Variants in NOL11 observed in about 807,000 individuals in gnomAD.
NOL11 encodes the protein nucleolar protein 11.
A neutral mutation model predicts 93.0 loss-of-function variants in NOL11; 42 were observed. That is an observed-to-expected ratio of 0.45 (90% CI 0.35 to 0.58). The LOEUF (loss-of-function observed/expected upper bound fraction) is 0.58, where lower values mean the gene tolerates loss of function less well. NOL11 is among the 20% of genes least tolerant of loss of function. The pLI is 0.00. For synonymous variants in NOL11, 296 were observed against 293.7 expected, an observed-to-expected ratio of 1.01 and a Z score of -0.08; for missense variants, 775 against 841.8, an observed-to-expected ratio of 0.92 and a Z score of 0.98.
At chr17:67,739,081 G>A (rs2055230931) in intron 15 of NOL11, 71 bp downstream of exon 15, 1 of 1,078,198 alleles carries the variant, frequency 9.3e-7, no homozygotes, top group African/African-American at 1.6e-5. Context: ...CTAACCAGCT[G>A]TTAGGGCATT....
At chr17:67,719,295 A>G in intron 1 of NOL11, 1 of 154,788 alleles carries the variant, frequency 6.5e-6, no homozygotes, top group Non-Finnish European at 1.4e-5. Flanking sequence ...GAGGTTTGGG[A>G]GGCCGAGGTG....
intron 7 of NOL11, among the ~76,000 whole-genome samples, chr17:67,733,307 G>A (rs749611632): frequency 2.6e-5 from 4 of 152,150 alleles, no homozygotes; most frequent in Admixed American, 2.6e-4. Flanking sequence ...AGAGGTTGCA[G>A]TGAGCCAAGA....
intron 5 of NOL11, among the ~76,000 whole-genome samples, chr17:67,723,106 G>A (rs1350376286): frequency 2.7e-5 from 4 of 148,558 alleles, no homozygotes; most frequent in African/African-American, 7.5e-5. Flanking sequence ...TCCTCCTCCC[G>A]GGTTCAAGTG....
chr17:67,737,007 C>T, intron 10 of NOL11, 64 bp from the exon 11 acceptor site: 1 of 1,064,776 alleles, frequency 9.4e-7, no homozygotes, highest in Non-Finnish European at 1.4e-6. Flanking sequence ...GTTTCATATC[C>T]CTCTAAATGT....
chr17:67,738,859 A>G (rs2055228557), intron 14 of NOL11, 73 bp from the exon 15 acceptor site: 2 of 938,382 alleles, frequency 2.1e-6, no homozygotes, highest in Non-Finnish European at 3.4e-6. Context: ...ACTAACATTG[A>G]CAAAGGAAGT....
intron 16 of NOL11, among the ~76,000 whole-genome samples, chr17:67,742,000 A>T (rs1197016175): frequency 6.6e-6 from 1 of 152,200 alleles, no homozygotes; most frequent in African/African-American, 2.4e-5. Context: ...TCATTTGTTT[A>T]CCATTTTTTG....
At chr17:67,734,288 G>A (rs4790943) in intron 7 of NOL11, 75 bp from the exon 8 acceptor site, 701,090 of 798,006 alleles carry the variant, frequency 0.88, 308,387 homozygotes, top group East Asian at 0.94. Context: ...ATATTTAACT[G>A]TAACTCCCCC....
chr17:67,730,623 A>G (rs1006216732), intron 7 of NOL11, among the ~76,000 whole-genome samples: 1 of 131,386 alleles, frequency 7.6e-6, no homozygotes, highest in Non-Finnish European at 1.6e-5. Context: ...TCATGCGTTA[A>G]TTCCATATTT....
rs191817223 is a variant in NOL11 at position 67,718,764 on chromosome 17, C to T, written c.141+676C>T. Reference sequence around the variant, plus strand: ...TCTCTGGGCTGCTGAACATAGTTTTCCATGTTTTAAAGAAGTTAGGTATCT... The same window carrying T: ...TCTCTGGGCTGCTGAACATAGTTTTTCATGTTTTAAAGAAGTTAGGTATCT... On this transcript the variant is annotated intron_variant, in intron 1 of 17. Coordinates refer to ENST00000253247, the MANE Select transcript of NOL11 (RefSeq NM_015462.5). Among the ~76,000 whole-genome samples, 141 of 152,282 alleles carry T rather than the reference C, an allele frequency of 9.3e-4. 1 individual carries two copies. In the Middle Eastern group the frequency reaches 0.01, roughly 11 times the overall value.
intron 11 of NOL11, 76 bp from the exon 12 acceptor site, chr17:67,737,429 ATGT>A: frequency 3.4e-6 from 4 of 1,187,820 alleles, no homozygotes; most frequent in South Asian, 1.5e-5. Flanking sequence ...ATTTGAGAAA[ATGT>A]TGTGCTAGGA....
intron 16 of NOL11, chr17:67,740,850 G>A (rs1441800815): frequency 6.5e-6 from 1 of 154,246 alleles, no homozygotes; most frequent in East Asian, 1.9e-4. Flanking sequence ...TTATTCTAAC[G>A]AAGGATTTTA....
chr17:67,737,086 A>C lies in NOL11; in HGVS notation c.1159A>C (p.Ile387Leu), dbSNP rs1428971469. Residue 387 changes from isoleucine to leucine, a missense_variant, in exon 11 of 18, where the codon ATT (isoleucine) becomes CTT (leucine). This residue lies in a region of NOL11 where 416 missense variants were observed against 525.2 expected (regional missense o/e 0.79). Coordinates refer to ENST00000253247, the MANE Select transcript of NOL11 (RefSeq NM_015462.5). ...TTAATTCCAGTTAAGGAGACGAAAA[A>C]TTGAAGTGAGTTTACAGCCAGAGGT... Reference protein sequence around the residue: ...QSRRILRRRKIEVSLQPEVPP... With the variant: ...QSRRILRRRKLEVSLQPEVPP... 2 of 1,609,964 alleles carry C rather than the reference A, an allele frequency of 1.2e-6. No homozygotes were observed. The highest frequency in any genetic ancestry group is 8.5e-7 in the Non-Finnish European group (1 of 1,176,546).
At chr17:67,728,589 G>A (rs1032215181) in intron 7 of NOL11, among the ~76,000 whole-genome samples, 1 of 151,982 alleles carries the variant, frequency 6.6e-6, no homozygotes, top group Non-Finnish European at 1.5e-5. Flanking sequence ...AAAAAACCCG[G>A]TGGCTACTAT....
intron 8 of NOL11, among the ~76,000 whole-genome samples, 184 bp downstream of exon 8, chr17:67,734,623 G>C (rs2055184793): frequency 6.6e-6 from 1 of 152,188 alleles, no homozygotes; most frequent in Admixed American, 6.5e-5. Context: ...TAAGGGAAGA[G>C]ATCTCTTTGA....
intron 16 of NOL11, chr17:67,740,748 A>T (rs2055248589): frequency 6.5e-6 from 1 of 154,682 alleles, no homozygotes; most frequent in Non-Finnish European, 1.5e-5. Context: ...GACTTGGAGA[A>T]ATCTGGGGCC....
chr17:67,727,729 T>C, intron 7 of NOL11, among the ~76,000 whole-genome samples: 1 of 149,724 alleles, frequency 6.7e-6, no homozygotes, highest in Non-Finnish European at 1.5e-5. Flanking sequence ...CTGGGGAGGC[T>C]GAGACAGGCA....
Position 67,724,183 on chromosome 17 carries a change from G to C in NOL11, c.654G>C (p.Leu218Phe), listed in dbSNP as rs1567799640. ...TASVDRKFISLMSLSSDGCIY... is the reference protein window; with the variant it reads ...TASVDRKFISFMSLSSDGCIY... The stretch of plus-strand genomic sequence containing the variant: ...CTGTAGATCGGAAATTCATCTCTTT[G>C]ATGTCATTAAGTAAGTTTTCTTTCT... Residue 218 changes from leucine to phenylalanine, a missense_variant, in exon 6 of 18, where the codon TTG becomes TTC. Leu to Phe is a conservative substitution (Grantham distance 22, BLOSUM62 0). This residue lies in a region of NOL11 where 359 missense variants were observed against 316.5 expected (regional missense o/e 1.13). Coordinates refer to ENST00000253247, the MANE Select transcript of NOL11 (RefSeq NM_015462.5). 1.3e-6 allele frequency: 2 copies of C among 1,560,166 alleles called. No individual in the cohort carries two copies. The highest frequency in any genetic ancestry group is 1.7e-6 in the Non-Finnish European group (2 of 1,152,630).
chr17:67,743,501 T>G lies in NOL11; in HGVS notation c.1958T>G (p.Leu653Arg). 1 of 1,569,732 alleles carries G rather than the reference T, an allele frequency of 6.4e-7. No individual in the cohort carries two copies. The highest frequency in any genetic ancestry group is 8.7e-7 in the Non-Finnish European group (1 of 1,142,968). Reference sequence around the variant, plus strand: ...CAGATTATGGATTGGATATGTCTACTTCTGGATGCAAATTTTACTGTTGTT... The same window carrying G: ...CAGATTATGGATTGGATATGTCTACGTCTGGATGCAAATTTTACTGTTGTT... Reference protein sequence around the residue: ...LNQIMDWICLLLDANFTVVVM... With the variant: ...LNQIMDWICLRLDANFTVVVM... Residue 653 changes from leucine to arginine, a missense_variant, in exon 17 of 18, where the codon CTT becomes CGT. By Grantham distance (102) the Leu-to-Arg change is moderately radical (BLOSUM62 -2). This residue lies in a region of NOL11 where 416 missense variants were observed against 525.2 expected (regional missense o/e 0.79). Coordinates refer to ENST00000253247, the MANE Select transcript of NOL11 (RefSeq NM_015462.5).
Position 67,743,510 on chromosome 17 carries a change from C to T in NOL11, c.1967C>T (p.Ala656Val), listed in dbSNP as rs138167117. 3,866 of 1,588,342 alleles carry T rather than the reference C, an allele frequency of 2.4e-3. 10 individuals are homozygous for T. The highest frequency in any genetic ancestry group is 3.0e-3 in the Non-Finnish European group (3,514 of 1,160,076). The change falls in exon 17 of 18, where the codon GCA becomes GTA. Residue 656 changes from alanine (A) to valine (V), a missense_variant. Ala to Val is a moderately conservative substitution (Grantham distance 64). Transcript: ENST00000253247. ...GATTGGATATGTCTACTTCTGGATG[C>T]AAATTTTACTGTTGTTGTAATGATG... Reference protein sequence around the residue: ...IMDWICLLLDANFTVVVMMPE... With the variant: ...IMDWICLLLDVNFTVVVMMPE...
Sources: gnomAD v4.1 joint callset for allele counts (sites outside exome capture counted in the v4.1 genomes callset) on GRCh38, gnomAD v4.1.1 for gene constraint, gnomAD v4.1.1 regional missense constraint, MANE v1.5 for transcripts, NCBI Gene and HGNC (gene_info 2026-07-23, HGNC 2026-07-21) for gene names.